Variants in FAM20C observed in about 807,000 individuals in gnomAD.
FAM20C encodes extracellular serine/threonine protein kinase FAM20C.
A neutral mutation model predicts 51.5 loss-of-function variants in FAM20C; 40 were observed. The observed-to-expected ratio is 0.78, with a 90% CI of 0.60 to 1.01. The LOEUF (loss-of-function observed/expected upper bound fraction) is 1.01. Ranked by LOEUF, FAM20C falls within the 50% of genes least tolerant of loss-of-function variation. The probability of loss-of-function intolerance (pLI) is 0.00; values close to 1 mark genes in which losing one functional copy is unlikely to be tolerated. For missense variants in FAM20C, 861 were observed against 844.7 expected (o/e 1.02, Z -0.24); for synonymous variants, 406 against 380.6 (o/e 1.07, Z -0.78).
At chr7:231,273 C>T (rs182706746) in intron 3 of FAM20C, among the ~76,000 whole-genome samples, 134 of 152,176 alleles carry the variant, frequency 8.8e-4, no homozygotes, top group African/African-American at 2.5e-3. Context: ...GCAGCATGTT[C>T]GGGGAGCCCG....
intron 3 of FAM20C, among the ~76,000 whole-genome samples, chr7:231,576 G>A (rs1787687929): frequency 6.6e-6 from 1 of 152,154 alleles, no homozygotes; most frequent in African/African-American, 2.4e-5. Flanking sequence ...TCCAGCAGCT[G>A]CACTGTGTGG....
intron 3 of FAM20C, among the ~76,000 whole-genome samples, chr7:241,042 C>T (rs1342493137): frequency 1.3e-5 from 2 of 151,700 alleles, no homozygotes; most frequent in East Asian, 1.9e-4. Context: ...TTGGAGAGCC[C>T]CAAGTGGGGC....
intron 3 of FAM20C, among the ~76,000 whole-genome samples, chr7:223,125 T>C (rs536755270): frequency 8.5e-5 from 13 of 152,080 alleles, no homozygotes; most frequent in African/African-American, 3.1e-4. Context: ...ATGGAACCCG[T>C]GTGTGTTCCT....
intron 2 of FAM20C, among the ~76,000 whole-genome samples, chr7:206,535 CTG>C (rs1786397686): frequency 4.4e-5 from 5 of 114,918 alleles, no homozygotes; most frequent in South Asian, 3.0e-4. Flanking sequence ...CCCCTCGGCC[CTG>C]CACACGTGTC....
In FAM20C at chr7:257,745, T is replaced by A. The variant is rs373179888; in HGVS notation, c.1445+659T>A. Among the ~76,000 whole-genome samples the A allele has an allele frequency of 1.9e-4, 18 of 93,482 alleles. No homozygotes were observed. In the South Asian group the frequency reaches 6.0e-3, roughly 31 times the overall value. The allele number at this position is 93,482 out of a possible 152,430, so 61.3% of individuals were successfully genotyped here. On this transcript the variant is annotated intron_variant, in intron 8 of 9. Coordinates refer to ENST00000313766, the MANE Select transcript of FAM20C (RefSeq NM_020223.4). ...GGACAGGCGGGGTGGACCCACTGCCTGGGGTGCTGGAGATGGGCAGGGTGG... is the reference window on the plus strand; with the variant it reads ...GGACAGGCGGGGTGGACCCACTGCCAGGGGTGCTGGAGATGGGCAGGGTGG...
Position 260,046 on chromosome 7 carries a change from C to A in FAM20C, c.*66C>A, listed in dbSNP as rs886637288. ...CGCCGGACCTCCCAGCAAGCGCATG[C>A]GCCCGTCGTGAATTCAGTGAATTCA... On this transcript the variant is annotated 3_prime_UTR_variant, in exon 10 of 10. Coordinates refer to ENST00000313766, the MANE Select transcript of FAM20C (RefSeq NM_020223.4). The A allele has an allele frequency of 1.4e-6, 2 of 1,436,746 alleles. No homozygotes were observed. Among genetic ancestry groups the A allele is most frequent in the Non-Finnish European group, 9.1e-7 (1 of 1,093,464 alleles). 89.0% of individuals were successfully genotyped at this position (1,436,746 alleles called of 1,614,324 possible). A position where few individuals can be genotyped will look rare whatever the true frequency, so the allele number is the denominator to read the frequency against.
intron 3 of FAM20C, among the ~76,000 whole-genome samples, chr7:223,407 G>T (rs1285531530): frequency 6.6e-6 from 1 of 152,218 alleles, no homozygotes; most frequent in Non-Finnish European, 1.5e-5. Context: ...AATGATCACA[G>T]AGCCTGCCGG....
At chr7:207,827 G>A (rs534817818) in intron 2 of FAM20C, among the ~76,000 whole-genome samples, 1 of 152,246 alleles carries the variant, frequency 6.6e-6, no homozygotes, top group African/African-American at 2.4e-5. Context: ...GCCCCAGGCC[G>A]AGGCCAGCCC....
intron 2 of FAM20C, among the ~76,000 whole-genome samples, chr7:205,413 A>T (rs1187536394): frequency 6.6e-6 from 1 of 151,252 alleles, no homozygotes; most frequent in Non-Finnish European, 1.5e-5. Flanking sequence ...TAATTTTTTA[A>T]TTTTTTGGTA....
Position 248,092 on chromosome 7 carries a change from C to T in FAM20C, c.957-223C>T, listed in dbSNP as rs138754098. ...TGCTGTGTGCCCATCAGTGAGGCAT[C>T]GCCAGCCCCAGTCCCTCAGGGGCCT... On this transcript the variant is annotated intron_variant, in intron 4 of 9. Coordinates refer to ENST00000313766, the MANE Select transcript of FAM20C (RefSeq NM_020223.4). Among the ~76,000 whole-genome samples, 344 of 152,314 alleles carry T rather than the reference C, an allele frequency of 2.3e-3. 1 individual carries two copies. The highest frequency in any genetic ancestry group is 7.8e-3 in the African/African-American group (326 of 41,572).
intron 3 of FAM20C, chr7:245,983 CG>C (rs1396040753): frequency 1.3e-5 from 2 of 157,704 alleles, no homozygotes; most frequent in Non-Finnish European, 2.8e-5. Flanking sequence ...CACAGCAAAC[CG>C]GGGCTGAGCC....
intron 5 of FAM20C, among the ~76,000 whole-genome samples, chr7:249,040 A>G (rs1468545863): frequency 7.1e-6 from 1 of 141,376 alleles, no homozygotes; most frequent in Non-Finnish European, 1.6e-5. Context: ...CCTTCTGTGC[A>G]CAGAGAGACT....
intron 3 of FAM20C, chr7:245,883 T>A (rs1440442566): frequency 2.0e-5 from 3 of 152,832 alleles, no homozygotes; most frequent in Non-Finnish European, 2.9e-5. Context: ...CTTGGGCTCT[T>A]ACTGTGGGAG....
chr7:212,446 G>A (rs907680620), intron 3 of FAM20C, among the ~76,000 whole-genome samples: 2 of 152,174 alleles, frequency 1.3e-5, no homozygotes, highest in Admixed American at 1.3e-4. Flanking sequence ...CTGAGGGACA[G>A]AACAAGACTC....
chr7:214,707 T>G (rs1472823499), intron 3 of FAM20C, among the ~76,000 whole-genome samples: 1 of 152,146 alleles, frequency 6.6e-6, no homozygotes, highest in Non-Finnish European at 1.5e-5. Context: ...TGAACCCTTT[T>G]GACCTGGCCT....
At chr7:246,792 G>T (rs1450118873) in intron 4 of FAM20C, among the ~76,000 whole-genome samples, 1 of 152,148 alleles carries the variant, frequency 6.6e-6, no homozygotes, top group Non-Finnish European at 1.5e-5. Flanking sequence ...ACAACACGCG[G>T]TAGGGAGAGC....
At chr7:211,078 A>G (rs1786684026) in intron 3 of FAM20C, among the ~76,000 whole-genome samples, 1 of 151,694 alleles carries the variant, frequency 6.6e-6, no homozygotes, top group Non-Finnish European at 1.5e-5. Flanking sequence ...TGTCCCCTTA[A>G]GCCCAGGGTG....
chr7:228,277 T>C (rs1040615043), intron 3 of FAM20C: 2 of 355,478 alleles, frequency 5.6e-6, no homozygotes, highest in Non-Finnish European at 1.1e-5. Flanking sequence ...GGGTCTTGGC[T>C]CAGTGCTGCC....
intron 8 of FAM20C, among the ~76,000 whole-genome samples, chr7:257,825 TGGAGATGGGCA>T (rs1788656908): frequency 8.0e-6 from 1 of 124,442 alleles, no homozygotes; most frequent in African/African-American, 3.1e-5. Flanking sequence ...CCCGGGGTGC[TGGAGATGGGCA>T]GGGTGGACCC....
Sources: gnomAD v4.1 joint callset for allele counts (sites outside exome capture counted in the v4.1 genomes callset) on GRCh38, gnomAD v4.1.1 for gene constraint, MANE v1.5 for transcripts, NCBI Gene and HGNC (gene_info 2026-07-23, HGNC 2026-07-21) for gene names.